Variants in TMEM178B observed in about 807,000 individuals in gnomAD.
The protein encoded by TMEM178B is transmembrane protein 178B.
TMEM178B carries 5 observed loss-of-function variants against 31.0 expected under a neutral mutation model. The observed-to-expected ratio is 0.16, with a 90% CI of 0.08 to 0.34. The LOEUF (loss-of-function observed/expected upper bound fraction) is 0.34, where lower values mean the gene tolerates loss of function less well. Ranked by LOEUF, TMEM178B falls within the 10% of genes least tolerant of loss-of-function variation. The pLI is 1.00. For synonymous variants in TMEM178B, 164 were observed against 164.0 expected (o/e 1.00, Z 0.00); for missense variants, 275 against 400.3 (o/e 0.69, Z 2.67).
chr7:141,181,818 C>T (rs952887766), intron 1 of TMEM178B, among the ~76,000 whole-genome samples: 7 of 152,154 alleles, frequency 4.6e-5, no homozygotes, highest in African/African-American at 1.7e-4. Context: ...GGGTGCTGAT[C>T]CTGTTCAGGA....
rs188796638 is a variant in TMEM178B at position 141,101,411 on chromosome 7, A to C, written c.382+26719A>C. On this transcript the variant is annotated intron_variant, in intron 1 of 3. Coordinates refer to ENST00000565468, the MANE Select transcript of TMEM178B (RefSeq NM_001195278.2). ...GGTAAACATTGATTTCTTCAGCAAC[A>C]AACCTCACCAGTGATTAAACAGCCC... Among the ~76,000 whole-genome samples, 380 of 152,386 alleles carry C rather than the reference A, an allele frequency of 2.5e-3. 2 individuals are homozygous for C. Among genetic ancestry groups the C allele is most frequent in the Non-Finnish European group, 2.6e-3 (176 of 68,040 alleles).
the TMEM178B span, among the ~76,000 whole-genome samples, chr7:141,491,454 A>G: frequency 1.3e-5 from 2 of 152,298 alleles, no homozygotes; most frequent in Middle Eastern, 3.4e-3. Context: ...CTTTTCATAA[A>G]TCCAAACTTC....
intron 2 of TMEM178B, among the ~76,000 whole-genome samples, chr7:141,240,641 G>A (rs1047747712): frequency 6.6e-6 from 1 of 152,254 alleles, no homozygotes; most frequent in African/African-American, 2.4e-5. Flanking sequence ...TAATACCGAA[G>A]AGAACAGTAT....
chr7:141,391,203 G>C (rs2116604490), intron 2 of TMEM178B, among the ~76,000 whole-genome samples: 1 of 152,086 alleles, frequency 6.6e-6, no homozygotes, highest in Non-Finnish European at 1.5e-5. Context: ...GTCTCACTCT[G>C]TCGCCAGACT....
chr7:141,224,074 T>G (rs1797301043), intron 2 of TMEM178B, among the ~76,000 whole-genome samples: 1 of 152,140 alleles, frequency 6.6e-6, no homozygotes, highest in South Asian at 2.1e-4. Flanking sequence ...TCTCACGAGA[T>G]CTGATGTTTT....
intron 2 of TMEM178B, among the ~76,000 whole-genome samples, chr7:141,228,389 CT>C (rs548815227): frequency 7.4e-4 from 107 of 144,008 alleles, no homozygotes; most frequent in Middle Eastern, 3.6e-3. Context: ...TTTCTTCTTT[CT>C]TTTTTTTTTT....
At chr7:141,510,685 CAAAAAA>C in the TMEM178B span, among the ~76,000 whole-genome samples, 230 of 24,942 alleles carry the variant, frequency 9.2e-3, no homozygotes, top group African/African-American at 0.026. Context: ...AACTCCGTCT[CAAAAAA>C]AAAAAAAAAA....
intron 2 of TMEM178B, among the ~76,000 whole-genome samples, chr7:141,368,854 T>C (rs1159275918): frequency 3.9e-5 from 6 of 152,236 alleles, no homozygotes; most frequent in Admixed American, 3.9e-4. Flanking sequence ...CAACTGGGTC[T>C]CTCACTAGAG....
intron 3 of TMEM178B, among the ~76,000 whole-genome samples, chr7:141,440,677 A>T (rs1406087270): frequency 1.3e-5 from 2 of 152,178 alleles, no homozygotes; most frequent in African/African-American, 4.8e-5. Flanking sequence ...GGGGACATGC[A>T]ATCTATTTTT....
chr7:141,318,647 G>A lies in TMEM178B; in HGVS notation c.496+105943G>A, dbSNP rs1042994036. 1.3e-5 allele frequency among the ~76,000 whole-genome samples: 2 copies of A among 152,134 alleles called. No individual in the cohort carries two copies. Among genetic ancestry groups the A allele is most frequent in the Admixed American group, 6.5e-5 (1 of 15,272 alleles). On this transcript the variant is annotated intron_variant, in intron 2 of 3. Transcript: ENST00000565468. The surrounding 1 kb of genome is among the most constrained non-coding windows in gnomAD (Gnocchi z 4.1). ...CTAAACCTATGCCACCCCTTCAGAA[G>A]CCTGTACCAAGACACTTAGAATTTT...
At chr7:141,496,810 T>C in the TMEM178B span, among the ~76,000 whole-genome samples, 1 of 152,110 alleles carries the variant, frequency 6.6e-6, no homozygotes, top group Non-Finnish European at 1.5e-5. Flanking sequence ...ATCCTAGTTT[T>C]TCACTTCTGG....
In TMEM178B at chr7:141,406,917, C is replaced by T. The variant is rs145509204; in HGVS notation, c.497-30691C>T. Among the ~76,000 whole-genome samples, 621 of 152,288 alleles carry T rather than the reference C, an allele frequency of 4.1e-3. 4 individuals carry two copies. Among genetic ancestry groups the T allele is most frequent in the African/African-American group, 0.014 (571 of 41,562 alleles). The stretch of plus-strand genomic sequence containing the variant: ...ATAAAATAGAGTTGATAGCCAGTTT[C>T]ACTGTAATGAATTAGGGAAGGGGAA... On this transcript the variant is annotated intron_variant, in intron 2 of 3. Transcript: ENST00000565468.
At chr7:141,126,219 G>A (rs986439937) in intron 1 of TMEM178B, among the ~76,000 whole-genome samples, 1 of 152,148 alleles carries the variant, frequency 6.6e-6, no homozygotes, top group Non-Finnish European at 1.5e-5. Context: ...GTTGGGGAGG[G>A]GATTGGGAAG....
At chr7:141,331,676 G>T (rs768736230) in intron 2 of TMEM178B, among the ~76,000 whole-genome samples, 1 of 152,166 alleles carries the variant, frequency 6.6e-6, no homozygotes, top group Non-Finnish European at 1.5e-5. Context: ...GAAGGAAATG[G>T]GGAGGGGTAG....
chr7:141,314,045 C>T (rs985277070), intron 2 of TMEM178B, among the ~76,000 whole-genome samples: 3 of 152,208 alleles, frequency 2.0e-5, no homozygotes, highest in Non-Finnish European at 4.4e-5. Flanking sequence ...CTGCCTGTGG[C>T]GCAGCCGTTT....
At chr7:141,186,655 TCTTGTG>T (rs1412650489) in intron 1 of TMEM178B, among the ~76,000 whole-genome samples, 1 of 152,242 alleles carries the variant, frequency 6.6e-6, no homozygotes, top group African/African-American at 2.4e-5. Context: ...TCGTTCAACA[TCTTGTG>T]CTGGGCCATA....
intron 1 of TMEM178B, among the ~76,000 whole-genome samples, chr7:141,103,513 C>G (rs1392431405): frequency 6.6e-6 from 1 of 152,086 alleles, no homozygotes; most frequent in Non-Finnish European, 1.5e-5. Flanking sequence ...TCTACTTTAC[C>G]TGATAATGAG....
chr7:141,274,876 G>A (rs1008130085), intron 2 of TMEM178B, among the ~76,000 whole-genome samples: 3 of 152,170 alleles, frequency 2.0e-5, no homozygotes, highest in South Asian at 4.1e-4. Flanking sequence ...TAATGGCAGC[G>A]CTGCCTGGGA....
At chr7:141,316,513 C>A (rs1799007412) in intron 2 of TMEM178B, among the ~76,000 whole-genome samples, 1 of 152,088 alleles carries the variant, frequency 6.6e-6, no homozygotes, top group Admixed American at 6.5e-5. Context: ...GGGAGTCTTT[C>A]AAACTCTGGG....
Sources: gnomAD v4.1 joint callset for allele counts (sites outside exome capture counted in the v4.1 genomes callset) on GRCh38, gnomAD v4.1.1 for gene constraint, Gnocchi (gnomAD v3.1) non-coding constraint, MANE v1.5 for transcripts, NCBI Gene and HGNC (gene_info 2026-07-23, HGNC 2026-07-21) for gene names.